The following COL25A1 variants were observed in gnomAD, a reference collection of about 807,000 sequenced individuals.
The protein encoded by COL25A1 is collagen alpha-1(XXV) chain.
In COL25A1, 103 loss-of-function variants were observed where a neutral mutation model predicts 128.4. The observed-to-expected ratio is 0.80, with a 90% CI of 0.68 to 0.94. COL25A1 has a LOEUF of 0.94. COL25A1 is among the 40% of genes least tolerant of loss of function. The pLI is 0.00. For missense variants in COL25A1, 745 were observed against 840.0 expected (o/e 0.89, Z 1.40); for synonymous variants, 279 against 277.2 (o/e 1.01, Z -0.06).
intron 8 of COL25A1, among the ~76,000 whole-genome samples, chr4:108,964,074 TTAAA>T (rs538197634): frequency 2.7e-5 from 4 of 150,160 alleles, no homozygotes; most frequent in South Asian, 2.1e-4. Context: ...AATAATTTAA[TTAAA>T]TAATGTGAAT....
intron 6 of COL25A1, among the ~76,000 whole-genome samples, chr4:109,002,941 CCT>C (rs1181083057): frequency 1.3e-5 from 2 of 152,042 alleles, no homozygotes; most frequent in South Asian, 2.1e-4. Context: ...GCCCCTGACC[CCT>C]GACAGGTTGC....
At chr4:108,911,549 G>A (rs1266463758) in intron 13 of COL25A1, among the ~76,000 whole-genome samples, 2 of 152,112 alleles carry the variant, frequency 1.3e-5, no homozygotes, top group Non-Finnish European at 2.9e-5. Flanking sequence ...GTGTTCAGTT[G>A]GTGCCTCACA....
intron 3 of COL25A1, among the ~76,000 whole-genome samples, chr4:109,088,952 A>C (rs1764660919): frequency 6.6e-6 from 1 of 152,240 alleles, no homozygotes; most frequent in Non-Finnish European, 1.5e-5. Flanking sequence ...AACCACGTAC[A>C]GCAAAGAGAA....
At chr4:109,001,392 A>C in intron 6 of COL25A1, among the ~76,000 whole-genome samples, 2 of 152,182 alleles carry the variant, frequency 1.3e-5, no homozygotes, top group Non-Finnish European at 2.9e-5. Context: ...AGATCCTGTC[A>C]GGTAGGCATC....
intron 3 of COL25A1, among the ~76,000 whole-genome samples, chr4:109,148,004 A>C (rs180959664): frequency 2.6e-5 from 4 of 152,262 alleles, no homozygotes; most frequent in African/African-American, 9.6e-5. Context: ...TCCCTTTTAG[A>C]CTGGTTGTTA....
Position 109,101,161 on chromosome 4 carries a change from C to A in COL25A1, c.368-50982G>T, listed in dbSNP as rs115881420. On this transcript the variant is annotated intron_variant, in intron 3 of 37. Coordinates refer to ENST00000399132, the MANE Select transcript of COL25A1 (RefSeq NM_198721.4). ...TGTTGATGTCACGGAATTGTCTTGG[C>A]CAATTTGAAAATACTCAAAATAGAA... 9.7e-3 allele frequency among the ~76,000 whole-genome samples: 1,483 copies of A among 152,168 alleles called. 26 individuals are homozygous for A. The highest frequency in any genetic ancestry group is 0.034 in the African/African-American group (1,396 of 41,508).
chr4:109,278,653 C>G (rs568330047), intron 3 of COL25A1, among the ~76,000 whole-genome samples: 73 of 152,226 alleles, frequency 4.8e-4, no homozygotes, highest in African/African-American at 1.7e-3. Context: ...GTAGTTAAAA[C>G]AAGAATATTG....
chr4:108,900,156 T>C (rs558308783), intron 14 of COL25A1, among the ~76,000 whole-genome samples: 5 of 152,172 alleles, frequency 3.3e-5, no homozygotes, highest in Non-Finnish European at 7.4e-5. Context: ...TCACCTTCAC[T>C]GCTCAACACC....
intron 31 of COL25A1, among the ~76,000 whole-genome samples, chr4:108,834,853 A>C (rs1470653960): frequency 6.6e-6 from 1 of 152,234 alleles, no homozygotes; most frequent in African/African-American, 2.4e-5. Flanking sequence ...AGCTCTGGTT[A>C]TACTTGTTAA....
At chr4:109,068,645 A>G (rs1283305157) in intron 3 of COL25A1, among the ~76,000 whole-genome samples, 5 of 152,220 alleles carry the variant, frequency 3.3e-5, no homozygotes, top group Admixed American at 6.5e-5. Flanking sequence ...TGGTGCTTAT[A>G]AGCCTGGATT....
At chr4:108,956,184 T>A (rs949645984) in intron 8 of COL25A1, among the ~76,000 whole-genome samples, 1 of 152,170 alleles carries the variant, frequency 6.6e-6, no homozygotes, top group Non-Finnish European at 1.5e-5. Context: ...TTTAGTTTTT[T>A]AAAAGGGTTA....
intron 3 of COL25A1, among the ~76,000 whole-genome samples, chr4:109,279,399 GA>G (rs1723157393): frequency 6.6e-6 from 1 of 152,082 alleles, no homozygotes; most frequent in South Asian, 2.1e-4. Context: ...GCAAAATAAA[GA>G]CTCCATCTCT....
At chr4:108,858,845 GAGAGACAAA>G (rs1736828156) in intron 24 of COL25A1, among the ~76,000 whole-genome samples, 1 of 151,886 alleles carries the variant, frequency 6.6e-6, no homozygotes, top group Admixed American at 6.6e-5. Context: ...TAGAAGGTCA[GAGAGACAAA>G]AAAAAAGTTT....
chr4:108,838,216 A>G, intron 31 of COL25A1: 1 of 1,432,574 alleles, frequency 7.0e-7, no homozygotes, highest in Non-Finnish European at 9.6e-7. Flanking sequence ...GGTTGCTATT[A>G]TGGGTGTTTA....
chr4:109,166,757 T>A (rs1314588006), intron 3 of COL25A1, among the ~76,000 whole-genome samples: 4 of 152,228 alleles, frequency 2.6e-5, no homozygotes, highest in African/African-American at 9.6e-5. Context: ...CTCTGGAAAC[T>A]AATGCCAAAT....
At chr4:109,053,670 C>T (rs74888144) in intron 3 of COL25A1, among the ~76,000 whole-genome samples, 47 of 152,272 alleles carry the variant, frequency 3.1e-4, no homozygotes, top group African/African-American at 7.2e-4. Flanking sequence ...TGAGTTTAAA[C>T]GTAATCTTTC....
At chr4:108,829,302 A>G (rs1234891076) in intron 32 of COL25A1, among the ~76,000 whole-genome samples, 1 of 152,174 alleles carries the variant, frequency 6.6e-6, no homozygotes, top group African/African-American at 2.4e-5. Flanking sequence ...CAGGAGTTTG[A>G]GACCAGCCTG....
chr4:109,216,730 T>C (rs1778028789), intron 3 of COL25A1, among the ~76,000 whole-genome samples: 1 of 152,138 alleles, frequency 6.6e-6, no homozygotes, highest in Non-Finnish European at 1.5e-5. Flanking sequence ...TTTCTGAGTC[T>C]CAAGAATTGA....
chr4:109,051,271 A>G (rs556035152), intron 3 of COL25A1, among the ~76,000 whole-genome samples: 1 of 152,192 alleles, frequency 6.6e-6, no homozygotes, highest in African/African-American at 2.4e-5. Flanking sequence ...TCCCACATGG[A>G]AACACTATCA....
Sources: gnomAD v4.1 joint callset for allele counts (sites outside exome capture counted in the v4.1 genomes callset) on GRCh38, gnomAD v4.1.1 for gene constraint, MANE v1.5 for transcripts, NCBI Gene and HGNC (gene_info 2026-07-23, HGNC 2026-07-21) for gene names.